NDUFS3: variants seen among roughly 807,000 people sequenced by gnomAD.
NDUFS3 encodes the protein NADH dehydrogenase [ubiquinone] iron-sulfur protein 3, mitochondrial.
Under a neutral mutation model 30.8 loss-of-function variants are expected in NDUFS3, and 19 were observed. The ratio of observed to expected loss-of-function variants is 0.62; its 90% confidence interval spans 0.43 to 0.91. The LOEUF (loss-of-function observed/expected upper bound fraction) is 0.91, where lower values mean the gene tolerates loss of function less well. NDUFS3 is among the 40% of genes least tolerant of loss of function. The pLI, the probability that NDUFS3 is intolerant of heterozygous loss-of-function variation, is 0.00. For missense variants in NDUFS3, 331 were observed against 342.0 expected (o/e 0.97, Z 0.25); for synonymous variants, 153 against 135.8 (o/e 1.13, Z -0.88).
In NDUFS3 at chr11:47,582,121, T is replaced by G. The variant is rs1244301656; in HGVS notation, c.415T>G (p.Ser139Ala). 6.2e-7 allele frequency: 1 copy of G among 1,613,810 alleles called. No individual in the cohort carries two copies. Among genetic ancestry groups the G allele is most frequent in the South Asian group, 1.1e-5 (1 of 91,058 alleles). ...VYNLLSLRFN[S>A]RIRVKTYTDE... ...CAACCTGTTGTCTCTGCGCTTCAAC[T>G]CACGGATCCGTGTGAAGACCTACAC... The change falls in exon 5 of 7, where the codon TCA (serine) becomes GCA (alanine). Residue 139 changes from serine (S) to alanine (A), a missense_variant. Coordinates refer to ENST00000263774, the MANE Select transcript of NDUFS3 (RefSeq NM_004551.3).
intron 1 of NDUFS3, 47 bp downstream of exon 1, chr11:47,579,205 G>T (rs530807197): frequency 6.2e-7 from 1 of 1,613,746 alleles, no homozygotes; most frequent in African/African-American, 1.3e-5. Context: ...GCAGCGGCGT[G>T]CCCAGTGCAG....
chr11:47,580,933 T>G lies in NDUFS3; in HGVS notation c.330T>G (p.Ser110=). The G allele has an allele frequency of 1.2e-6, 2 of 1,614,176 alleles. No homozygotes were observed. The highest frequency in any genetic ancestry group is 1.7e-6 in the Non-Finnish European group (2 of 1,180,040). Residue 110 remains serine, a synonymous_variant, in exon 4 of 7, where the codon TCT becomes TCG. Transcript: ENST00000263774. ...LRDHTNAQFK[S]LVDLTAVDVP... The stretch of plus-strand genomic sequence containing the variant: ...ATCACACCAATGCACAGTTCAAATC[T>G]CTGGTTGACTTGACAGCAGTGGACG...
chr11:47,579,463 C>T (rs867966416), intron 2 of NDUFS3, 129 bp downstream of exon 2: 1 of 1,161,130 alleles, frequency 8.6e-7, no homozygotes, highest in Non-Finnish European at 1.3e-6. Context: ...CAGTGGTCTT[C>T]ACCCTGCATG....
At chr11:47,579,481 G>A (rs2097266834) in intron 2 of NDUFS3, 147 bp downstream of exon 2, 1 of 973,974 alleles carries the variant, frequency 1.0e-6, no homozygotes, top group Non-Finnish European at 1.6e-6. Flanking sequence ...ATGCAGAATC[G>A]AGCCCTCCCT....
Position 47,584,352 on chromosome 11 carries a change from G to A in NDUFS3, c.666G>A (p.Glu222=). 6.2e-7 allele frequency: 1 copy of A among 1,614,160 alleles called. No homozygotes were observed. The highest frequency in any genetic ancestry group is 2.2e-5 in the East Asian group (1 of 44,882). ...YDDEVKRVVA[E]PVELAQEFRK... ...ATGAAGTGAAGCGGGTGGTGGCAGAGCCGGTGGAGTTGGCCCAAGAGTTCC... is the reference window on the plus strand; with the variant it reads ...ATGAAGTGAAGCGGGTGGTGGCAGAACCGGTGGAGTTGGCCCAAGAGTTCC... The change falls in exon 7 of 7, where the codon GAG becomes GAA. Residue 222 remains glutamate (E), a synonymous_variant. Coordinates refer to ENST00000263774, the MANE Select transcript of NDUFS3 (RefSeq NM_004551.3).
At chr11:47,579,530 C>T in intron 2 of NDUFS3, 196 bp downstream of exon 2, 1 of 650,806 alleles carries the variant, frequency 1.5e-6, no homozygotes, top group South Asian at 1.9e-5. Context: ...TGTTCCTTGT[C>T]CATTTCAATC....
Position 47,580,532 on chromosome 11 carries a change from C to T in NDUFS3, c.141C>T (p.Val47=). The change falls in exon 3 of 7, where the codon GTC becomes GTT. Residue 47 remains valine (V), a synonymous_variant. Coordinates refer to ENST00000263774, the MANE Select transcript of NDUFS3 (RefSeq NM_004551.3). ...ESAGADTRPT[V]RPRNDVAHKQ... is the part of the protein sequence containing the mutation. ...TATGCCTTTTCCTTCCAGCCACTGT[C>T]AGACCACGGAATGATGTGGCCCACA... is the stretch of plus-strand genomic sequence containing the variant. The T allele has an allele frequency of 6.2e-7, 1 of 1,614,200 alleles. No individual in the cohort carries two copies.
chr11:47,579,258 T>A lies in NDUFS3; in HGVS notation c.68-11T>A. ...ATCCCGCGCGTCTGTGCCTTTTATC[T>A]CCCTGTGCAGGGACTGGGCGACCCT... is the stretch of plus-strand genomic sequence containing the variant. On this transcript the variant is annotated splice_polypyrimidine_tract_variant and intron_variant, in intron 1 of 6. Coordinates refer to ENST00000263774, the MANE Select transcript of NDUFS3 (RefSeq NM_004551.3). 1 of 1,614,126 alleles carries A rather than the reference T, an allele frequency of 6.2e-7. No homozygotes were observed. The highest frequency in any genetic ancestry group is 1.1e-5 in the South Asian group (1 of 91,088).
chr11:47,581,385 G>A, intron 4 of NDUFS3: 1 of 281,166 alleles, frequency 3.6e-6, no homozygotes, highest in Non-Finnish European at 7.0e-6. Context: ...TCAATTTCCT[G>A]ACCTCGTGAT....
chr11:47,582,600 C>A (rs2097269283), intron 6 of NDUFS3, 132 bp downstream of exon 6: 1 of 1,439,164 alleles, frequency 6.9e-7, no homozygotes, highest in Non-Finnish European at 9.5e-7. Flanking sequence ...GATTCAGATC[C>A]TAGCTTCATT....
Position 47,579,984 on chromosome 11 carries a change from G to C in NDUFS3, c.134-541G>C, listed in dbSNP as rs909498830. ...TTCTCCTTTCCTGGGTTTTCTCATT[G>C]ACACACACACACACACACACACACA... is the stretch of plus-strand genomic sequence containing the variant. On this transcript the variant is annotated intron_variant, in intron 2 of 6. Coordinates refer to ENST00000263774, the MANE Select transcript of NDUFS3 (RefSeq NM_004551.3). 1.1e-4 allele frequency among the ~76,000 whole-genome samples: 16 copies of C among 139,392 alleles called. No homozygotes were observed. The East Asian group carries it at 2.7e-3, about 24-fold the overall frequency. 91.4% of individuals were successfully genotyped at this position (139,392 alleles called of 152,430 possible).
rs764086618 is a variant in NDUFS3, at chr11:47,579,269, G to C, written c.68G>C (p.Gly23Ala). 5.0e-6 allele frequency: 8 copies of C among 1,614,064 alleles called. No homozygotes were observed. Among genetic ancestry groups the C allele is most frequent in the Non-Finnish European group, 6.8e-6 (8 of 1,180,048 alleles). The stretch of plus-strand genomic sequence containing the variant: ...CTGTGCCTTTTATCTCCCTGTGCAG[G>C]GACTGGGCGACCCTCCGTTCTGTTG... ...GILGASALTR[G>A]TGRPSVLLLP... The change falls in exon 2 of 7, where the codon GGG becomes GCG. Residue 23 changes from glycine (G) to alanine (A), a missense_variant and splice_region_variant. Coordinates refer to ENST00000263774, the MANE Select transcript of NDUFS3 (RefSeq NM_004551.3).
rs2097270154 is a variant in NDUFS3 at position 47,584,395 on chromosome 11, A to T, written c.709A>T (p.Ser237Cys). ...AGAGTTCCGCAAATTTGACCTGAAC[A>T]GCCCCTGGGAGGCTTTCCCAGTCTA... Reference protein sequence around the residue: ...AQEFRKFDLNSPWEAFPVYRQ... With the variant: ...AQEFRKFDLNCPWEAFPVYRQ... Residue 237 changes from serine (S) to cysteine (C), a missense_variant, in exon 7 of 7, where the codon AGC becomes TGC. Ser to Cys is a moderately radical substitution (Grantham distance 112, BLOSUM62 -1). Coordinates refer to ENST00000263774, the MANE Select transcript of NDUFS3 (RefSeq NM_004551.3). 2 of 1,614,062 alleles carry T rather than the reference A, an allele frequency of 1.2e-6. No individual in the cohort carries two copies. The highest frequency in any genetic ancestry group is 1.3e-5 in the African/African-American group (1 of 74,928).
intron 6 of NDUFS3, 99 bp downstream of exon 6, chr11:47,582,567 G>A (rs781378498): frequency 2.3e-4 from 371 of 1,587,506 alleles, no homozygotes; most frequent in Non-Finnish European, 3.1e-4. Context: ...GTGGATTGTG[G>A]TGGTTTAAGA....
intron 1 of NDUFS3, 23 bp from the exon 2 acceptor site, chr11:47,579,246 G>C (rs965805674): frequency 3.1e-6 from 5 of 1,614,072 alleles, no homozygotes; most frequent in Non-Finnish European, 4.2e-6. Flanking sequence ...CCGCGCGTCT[G>C]TGCCTTTTAT....
chr11:47,579,242 G>A (rs763175444), intron 1 of NDUFS3, 27 bp from the exon 2 acceptor site: 2 of 1,614,146 alleles, frequency 1.2e-6, no homozygotes, highest in East Asian at 4.5e-5. Flanking sequence ...CATCCCGCGC[G>A]TCTGTGCCTT....
At chr11:47,581,230 T>C (rs977941860) in intron 4 of NDUFS3, 2 of 476,434 alleles carry the variant, frequency 4.2e-6, no homozygotes, top group Non-Finnish European at 7.7e-6. Flanking sequence ...CTTGGCTCAC[T>C]GCAACCTCCG....
chr11:47,579,279 A>AC lies in NDUFS3; in HGVS notation c.81dup (p.Ser28LeufsTer25). On this transcript the variant is annotated frameshift_variant, in exon 2 of 7. Coordinates refer to ENST00000263774, the MANE Select transcript of NDUFS3 (RefSeq NM_004551.3). LOFTEE classifies it high-confidence loss of function. The stretch of plus-strand genomic sequence containing the variant: ...TATCTCCCTGTGCAGGGACTGGGCG[A>AC]CCCTCCGTTCTGTTGCTGCCGGTGA... 6.2e-7 allele frequency: 1 copy of AC among 1,613,658 alleles called. No homozygotes were observed. The highest frequency in any genetic ancestry group is 8.5e-7 in the Non-Finnish European group (1 of 1,179,958).
rs771395072 is a variant in NDUFS3 at position 47,582,430 on chromosome 11, C to G, written c.589C>G (p.Pro197Ala). The stretch of plus-strand genomic sequence containing the variant: ...GACAGATTATGGCTTCGAGGGACAT[C>G]CTTTCCGGAAAGACTTTCCTCTATC... ...ILTDYGFEGHPFRKDFPLSGY... is the reference protein window; with the variant it reads ...ILTDYGFEGHAFRKDFPLSGY... Residue 197 changes from proline to alanine, a missense_variant, in exon 6 of 7, where the codon CCT becomes GCT. Coordinates refer to ENST00000263774, the MANE Select transcript of NDUFS3 (RefSeq NM_004551.3). 6 of 1,614,166 alleles carry G rather than the reference C, an allele frequency of 3.7e-6. No homozygotes were observed. Among genetic ancestry groups the G allele is most frequent in the Non-Finnish European group, 8.5e-7 (1 of 1,180,010 alleles).
Sources: gnomAD v4.1 joint callset for allele counts (sites outside exome capture counted in the v4.1 genomes callset) on GRCh38, gnomAD v4.1.1 for gene constraint, MANE v1.5 for transcripts, NCBI Gene and HGNC (gene_info 2026-07-23, HGNC 2026-07-21) for gene names.